Variants in RFX4 observed in about 807,000 individuals in gnomAD.
RFX4 encodes transcription factor RFX4.
RFX4 carries 10 observed loss-of-function variants against 95.0 expected under a neutral mutation model. The ratio of observed to expected loss-of-function variants is 0.11; its 90% CI spans 0.06 to 0.18. The LOEUF (loss-of-function observed/expected upper bound fraction) is 0.18. Ranked by LOEUF, RFX4 falls within the 10% of genes least tolerant of loss-of-function variation. The probability of loss-of-function intolerance (pLI) is 1.00; values close to 1 mark genes in which losing one functional copy is unlikely to be tolerated. For synonymous variants in RFX4, 321 were observed against 340.7 expected (o/e 0.94, Z 0.64); for missense variants, 640 against 922.0 (o/e 0.69, Z 3.96).
At chr12:106,609,872 C>T (rs2039921479) in intron 2 of RFX4, among the ~76,000 whole-genome samples, 1 of 152,114 alleles carries the variant, frequency 6.6e-6, no homozygotes, top group Non-Finnish European at 1.5e-5. Context: ...TGACTTATCA[C>T]TATAGCCCGT....
At chr12:106,719,901 C>A in intron 11 of RFX4, 59 bp from the exon 12 acceptor site, 1 of 1,320,338 alleles carries the variant, frequency 7.6e-7, no homozygotes. Flanking sequence ...TCTTTTAAGA[C>A]GTAGCTCTTG....
intron 3 of RFX4, among the ~76,000 whole-genome samples, chr12:106,641,626 G>A (rs188527316): frequency 1.2e-3 from 189 of 152,196 alleles, no homozygotes; most frequent in African/African-American, 4.5e-3. Context: ...CACCCTCCAA[G>A]TCACAAGGTC....
chr12:106,734,286 A>T (rs2042667818), intron 15 of RFX4, among the ~76,000 whole-genome samples: 1 of 152,194 alleles, frequency 6.6e-6, no homozygotes, highest in South Asian at 2.1e-4. Flanking sequence ...ACTTAATGCC[A>T]TTGAACTGTA....
At chr12:106,674,164 C>T (rs190988062) in intron 4 of RFX4, among the ~76,000 whole-genome samples, 4 of 152,212 alleles carry the variant, frequency 2.6e-5, no homozygotes, top group Admixed American at 2.6e-4. Context: ...ACGAATGAGA[C>T]AAGCTCCCAC....
At chr12:106,654,096 C>T (rs529758115) in intron 3 of RFX4, 132 bp from the exon 4 acceptor site, 10 of 1,229,218 alleles carry the variant, frequency 8.1e-6, no homozygotes, top group Admixed American at 1.9e-5. Context: ...TCTTCCTGGG[C>T]CCCAGCTTCT....
At chr12:106,623,833 C>T (rs115980145) in intron 2 of RFX4, among the ~76,000 whole-genome samples, 3,038 of 152,274 alleles carry the variant, frequency 0.02, 42 homozygotes, top group African/African-American at 0.034. Flanking sequence ...GAGACAGAAA[C>T]CTGATGATTT....
At chr12:106,714,068 C>CAAAAAAAAAAAAAAAAAAAAAAAAAA (rs58283896) in intron 10 of RFX4, among the ~76,000 whole-genome samples, 1 of 30,526 alleles carries the variant, frequency 3.3e-5, no homozygotes, top group Non-Finnish European at 5.9e-5. Context: ...AACTCCATCT[C>CAAAAAAAAAAAAAAAAAAAAAAAAAA]AAAAAAAAAA....
intron 1 of RFX4, among the ~76,000 whole-genome samples, chr12:106,604,722 A>G (rs1344558490): frequency 2.6e-5 from 4 of 152,240 alleles, no homozygotes; most frequent in Non-Finnish European, 5.9e-5. Flanking sequence ...AACGGGCTCC[A>G]TTATTAAGTG....
chr12:106,710,670 C>T (rs1477404328), intron 9 of RFX4, among the ~76,000 whole-genome samples: 1 of 152,168 alleles, frequency 6.6e-6, no homozygotes, highest in African/African-American at 2.4e-5. Flanking sequence ...GTTTGTTGGA[C>T]CTTCCACCTG....
At chr12:106,704,065 CAAAAAAAAAAAAA>C (rs34213070) in intron 8 of RFX4, among the ~76,000 whole-genome samples, 3 of 40,940 alleles carry the variant, frequency 7.3e-5, no homozygotes, top group South Asian at 1.1e-3. Context: ...GACACTGTCT[CAAAAAAAAAAAAA>C]AAAAAAAAAA....
chr12:106,710,503 T>C (rs753135813), intron 9 of RFX4, among the ~76,000 whole-genome samples: 1 of 152,142 alleles, frequency 6.6e-6, no homozygotes, highest in Non-Finnish European at 1.5e-5. Flanking sequence ...CCACACCTTA[T>C]TTTTCAAATC....
chr12:106,752,243 G>C (rs961488849), intron 17 of RFX4, among the ~76,000 whole-genome samples: 3 of 150,628 alleles, frequency 2.0e-5, no homozygotes, highest in African/African-American at 7.3e-5. Flanking sequence ...AGATCAGATA[G>C]TTGTAGATAT....
chr12:106,653,992 C>T (rs1297223945), intron 3 of RFX4, among the ~76,000 whole-genome samples: 1 of 152,150 alleles, frequency 6.6e-6, no homozygotes, highest in Non-Finnish European at 1.5e-5. Context: ...GGAATTTGGG[C>T]TGAAAAAGTA....
intron 15 of RFX4, among the ~76,000 whole-genome samples, chr12:106,746,795 G>A (rs7958563): frequency 5.3e-5 from 8 of 152,134 alleles, no homozygotes; most frequent in South Asian, 2.1e-4. Context: ...TGAGTTGAGC[G>A]CTGAAAAGTT....
chr12:106,726,832 T>G (rs972236802), intron 13 of RFX4, among the ~76,000 whole-genome samples: 1 of 152,158 alleles, frequency 6.6e-6, no homozygotes, highest in African/African-American at 2.4e-5. Flanking sequence ...AGTGCAGTGG[T>G]GCAATGTCGG....
intron 3 of RFX4, among the ~76,000 whole-genome samples, chr12:106,640,141 C>T (rs1839251561): frequency 6.6e-6 from 1 of 152,216 alleles, no homozygotes; most frequent in South Asian, 2.1e-4. Flanking sequence ...ATATATGCCT[C>T]ATTTCATTCT....
chr12:106,661,940 C>T (rs1277427522), intron 4 of RFX4, among the ~76,000 whole-genome samples: 3 of 151,862 alleles, frequency 2.0e-5, no homozygotes, highest in Non-Finnish European at 4.4e-5. Flanking sequence ...CTGGAGGTAC[C>T]ATGGTTTATT....
At chr12:106,741,310 T>C (rs2042800822) in intron 15 of RFX4, among the ~76,000 whole-genome samples, 1 of 152,096 alleles carries the variant, frequency 6.6e-6, no homozygotes, top group South Asian at 2.1e-4. Context: ...TGATAGCCAA[T>C]GACATACCTA....
chr12:106,627,135 G>A (rs1458975546), intron 2 of RFX4, among the ~76,000 whole-genome samples: 1 of 152,156 alleles, frequency 6.6e-6, no homozygotes, highest in African/African-American at 2.4e-5. Context: ...TGTCCAGTGG[G>A]GACAGAGGAT....
Sources: allele counts gnomAD v4.1 joint callset (sites outside exome capture counted in the v4.1 genomes callset), GRCh38; gene constraint gnomAD v4.1.1; transcripts MANE v1.5; gene names NCBI Gene and HGNC (gene_info 2026-07-23, HGNC 2026-07-21).